Variants in MTM1 observed in about 807,000 individuals in gnomAD.
The protein encoded by MTM1 is myotubularin.
Under a neutral mutation model 52.1 loss-of-function variants are expected in MTM1, and 9 were observed. The ratio of observed to expected loss-of-function variants is 0.17; its 90% CI spans 0.10 to 0.30. The LOEUF (loss-of-function observed/expected upper bound fraction) is 0.30. Ranked by LOEUF, MTM1 falls within the 10% of genes least tolerant of loss-of-function variation. The probability of loss-of-function intolerance (pLI) is 1.00; values close to 1 mark genes in which losing one functional copy is unlikely to be tolerated. For missense variants in MTM1, 277 were observed against 470.7 expected, an observed-to-expected ratio of 0.59 and a Z score of 3.81; for synonymous variants, 136 against 163.8, an observed-to-expected ratio of 0.83 and a Z score of 1.29.
At chrX:150,575,787 A>G (rs1345803958) in intron 1 of MTM1, among the ~76,000 whole-genome samples, 5 of 111,525 alleles carry the variant, frequency 4.5e-5, no homozygotes, top group African/African-American at 9.8e-5. Flanking sequence ...TTTTTCGGTC[A>G]TAAGTGGATG....
intron 6 of MTM1, among the ~76,000 whole-genome samples, chrX:150,623,312 A>T (rs1185437349): frequency 2.7e-5 from 3 of 111,128 alleles, no homozygotes; most frequent in Admixed American, 9.5e-5. Context: ...ACCCTAACTG[A>T]CCTGCTTAAA....
intron 9 of MTM1, among the ~76,000 whole-genome samples, chrX:150,646,701 G>T (rs1188337175): frequency 8.9e-6 from 1 of 112,736 alleles, no homozygotes; most frequent in Non-Finnish European, 1.9e-5. Context: ...TTTCTCCTCT[G>T]CTGTAAGCTT....
At position 150,583,878 on chromosome X, in the gene MTM1, TAA is replaced by T. The variant is rs1491304405; in HGVS notation, c.-10-8725_-10-8724del. Among the ~76,000 whole-genome samples, 6 of 32,196 alleles carry T rather than the reference TAA, an allele frequency of 1.9e-4. 1 individual carries two copies. Among genetic ancestry groups the T allele is most frequent in the Admixed American group, 6.7e-4 (1 of 1,498 alleles). The allele number at this position is 32,196 out of a possible 115,157, so 28.0% of individuals were successfully genotyped here. A position where few individuals can be genotyped will look rare whatever the true frequency, so the allele number is the denominator to read the frequency against. On this transcript the variant is annotated intron_variant, in intron 1 of 14. Transcript: ENST00000370396. ...TATAAAATATATATTAAATATATAT[TAA>T]ATATATATATATATTTGATATATAT...
intron 13 of MTM1, among the ~76,000 whole-genome samples, chrX:150,662,024 C>T (rs1220749067): frequency 2.7e-5 from 3 of 111,527 alleles, no homozygotes; most frequent in Non-Finnish European, 5.6e-5. Flanking sequence ...AATATCACAT[C>T]GTATACCTTA....
Position 150,568,886 on chromosome X carries a change from G to A in MTM1, c.-11+224G>A, listed in dbSNP as rs1272475416. ...AGGCAGGTACCTCCGGCTTCCTCCC[G>A]TTCTCCCCGCCCAAGGTGGCCGGCC... On this transcript the variant is annotated intron_variant, in intron 1 of 14. Transcript: ENST00000370396. Among the ~76,000 whole-genome samples the A allele has an allele frequency of 7.1e-5, 8 of 113,258 alleles. No individual in the cohort carries two copies. The Admixed American group carries it at 7.3e-4, about 10-fold the overall frequency.
intron 13 of MTM1, among the ~76,000 whole-genome samples, chrX:150,662,227 C>T (rs1448717448): frequency 2.7e-5 from 3 of 111,962 alleles, no homozygotes; most frequent in African/African-American, 9.7e-5. Context: ...TAGATTTTGG[C>T]ATCAAAAAGG....
chrX:150,565,992 C>CGA (rs1557411215), upstream of MTM1, among the ~76,000 whole-genome samples: 1 of 62,513 alleles, frequency 1.6e-5, no homozygotes, highest in Non-Finnish European at 3.1e-5. Flanking sequence ...CTGAAGATTC[C>CGA]TACACACACA....
chrX:150,608,038 T>G (rs2039201419), intron 4 of MTM1, among the ~76,000 whole-genome samples: 1 of 107,767 alleles, frequency 9.3e-6, no homozygotes, highest in South Asian at 4.1e-4. Flanking sequence ...GCTGGGGAGG[T>G]GAGAAGAAGC....
intron 1 of MTM1, among the ~76,000 whole-genome samples, chrX:150,583,352 TA>T (rs1270388341): frequency 7.7e-5 from 3 of 39,175 alleles, no homozygotes; most frequent in Non-Finnish European, 1.2e-4. Context: ...TATATAATTA[TA>T]AATATATATA....
chrX:150,604,385 G>C (rs931638894), intron 4 of MTM1, among the ~76,000 whole-genome samples: 3 of 111,450 alleles, frequency 2.7e-5, no homozygotes, highest in Non-Finnish European at 5.7e-5. Context: ...CCCTAGCCAT[G>C]TTTTTTCCCC....
At chrX:150,583,256 T>A (rs1464144366) in intron 1 of MTM1, among the ~76,000 whole-genome samples, 4 of 65,012 alleles carry the variant, frequency 6.2e-5, no homozygotes, top group African/African-American at 1.3e-4. Flanking sequence ...ATTTATATAA[T>A]TTATATAAAT....
intron 6 of MTM1, among the ~76,000 whole-genome samples, chrX:150,638,548 C>T (rs1360294013): frequency 1.8e-5 from 2 of 111,699 alleles, no homozygotes; most frequent in African/African-American, 6.5e-5. Context: ...GAGACAGTTG[C>T]ACCGTTTAAC....
chrX:150,579,849 A>T (rs1345936626), intron 1 of MTM1, among the ~76,000 whole-genome samples: 1 of 111,615 alleles, frequency 9.0e-6, no homozygotes, highest in East Asian at 2.8e-4. Context: ...AACAATACAA[A>T]TATAATTAAT....
rs1415637414 is a variant in MTM1 at position 150,671,986 on chromosome X, A to G, written c.*391A>G. ...GAATGGATTTTCCTGAAGCTGCTTA[A>G]CAGTTGCTTTGGATTCTCTAAGATG... On this transcript the variant is annotated 3_prime_UTR_variant, in exon 15 of 15. Transcript: ENST00000370396. The G allele has an allele frequency of 5.9e-6, 1 of 168,762 alleles. No individual in the cohort carries two copies. Among genetic ancestry groups the G allele is most frequent in the African/African-American group, 3.1e-5 (1 of 32,062 alleles). 13.9% of individuals were successfully genotyped at this position (168,762 alleles called of 1,213,427 possible). A position where few individuals can be genotyped will look rare whatever the true frequency, so the allele number is the denominator to read the frequency against.
intron 1 of MTM1, among the ~76,000 whole-genome samples, chrX:150,583,936 AAT>A (rs1385130522): frequency 0.012 from 511 of 42,238 alleles, 58 homozygotes; most frequent in Non-Finnish European, 0.015. Flanking sequence ...ATTAAATTAA[AAT>A]ATATATATTA....
At chrX:150,607,915 C>T (rs1201837352) in intron 4 of MTM1, among the ~76,000 whole-genome samples, 3 of 111,538 alleles carry the variant, frequency 2.7e-5, no homozygotes, top group Admixed American at 9.6e-5. Flanking sequence ...ATCAGTGTTG[C>T]GTGGGAGTAG....
Position 150,647,194 on chromosome X carries a change from AATATATATATATATAT to A in MTM1, c.867+1335_867+1350del, listed in dbSNP as rs59931479. On this transcript the variant is annotated intron_variant, in intron 9 of 14. Coordinates refer to ENST00000370396, the MANE Select transcript of MTM1 (RefSeq NM_000252.3). ...TATCTTTCATATATATTTCAGGGTG[AATATATATATATATAT>A]ATATATATATAGCAATATTTTCATG... 8.3e-5 allele frequency among the ~76,000 whole-genome samples: 7 copies of A among 83,840 alleles called. 1 individual carries two copies. Among genetic ancestry groups the A allele is most frequent in the African/African-American group, 3.4e-4 (6 of 17,545 alleles). 72.8% of individuals were successfully genotyped at this position (83,840 alleles called of 115,157 possible). A position where few individuals can be genotyped will look rare whatever the true frequency, so the allele number is the denominator to read the frequency against.
At position 150,600,173 on chromosome X, in the gene MTM1, A is replaced by G. The variant is rs924295189; in HGVS notation, c.231+1487A>G. On this transcript the variant is annotated intron_variant, in intron 4 of 14. Transcript: ENST00000370396. The stretch of plus-strand genomic sequence containing the variant: ...CTTCCTTTCCAGCATTTCTGATGCA[A>G]TGCAGAGGAGCACATAGAAGACATG... 2.7e-5 allele frequency among the ~76,000 whole-genome samples: 3 copies of G among 111,532 alleles called. No homozygotes were observed. In the East Asian group the frequency reaches 8.4e-4, roughly 31 times the overall value.
intron 4 of MTM1, among the ~76,000 whole-genome samples, chrX:150,606,528 T>C (rs1281048500): frequency 3.6e-5 from 4 of 111,845 alleles, no homozygotes; most frequent in Non-Finnish European, 7.5e-5. Context: ...GACAAACCTT[T>C]CATGCTCTTT....
Sources: allele counts gnomAD v4.1 joint callset (sites outside exome capture counted in the v4.1 genomes callset), GRCh38; gene constraint gnomAD v4.1.1; transcripts MANE v1.5; gene names NCBI Gene and HGNC (gene_info 2026-07-23, HGNC 2026-07-21).